Variants in LRRC8E observed in about 807,000 individuals in gnomAD.
LRRC8E encodes the protein leucine rich repeat containing 8 VRAC subunit E.
A neutral mutation model predicts 6.1 loss-of-function variants in LRRC8E; 6 were observed. The ratio of observed to expected loss-of-function variants is 0.98; its 90% CI spans 0.54 to 1.93. The LOEUF (loss-of-function observed/expected upper bound fraction) is 1.93. LRRC8E is among the 30% of genes most tolerant of loss of function. The pLI is 0.01. For missense variants in LRRC8E, 1,028 were observed against 1,031.4 expected (o/e 1.00, Z 0.04); for synonymous variants, 485 against 472.8 (o/e 1.03, Z -0.33).
At position 7,898,991 on chromosome 19, in the gene LRRC8E, T is replaced by C; in HGVS notation, c.469T>C (p.Phe157Leu). The C allele has an allele frequency of 6.2e-7, 1 of 1,614,048 alleles. No homozygotes were observed. The highest frequency in any genetic ancestry group is 8.5e-7 in the Non-Finnish European group (1 of 1,180,026). Reference sequence around the variant, plus strand: ...CTTCATCTCCATCCTGGGCAAGTGTTTCGACTCTCCATGGACCACCAGGGC... The same window carrying C: ...CTTCATCTCCATCCTGGGCAAGTGTCTCGACTCTCCATGGACCACCAGGGC... The part of the protein sequence containing the change: ...EHFISILGKC[F>L]DSPWTTRALS... Residue 157 changes from phenylalanine to leucine, a missense_variant, in exon 3 of 3, where the codon TTC becomes CTC. By Grantham distance (22) the Phe-to-Leu change is conservative. Transcript: ENST00000306708.
chr19:7,899,578 C>A lies in LRRC8E; in HGVS notation c.1056C>A (p.Gly352=). The A allele has an allele frequency of 6.2e-7, 1 of 1,613,864 alleles. No homozygotes were observed. The change falls in exon 3 of 3, where the codon GGC becomes GGA. Residue 352 remains glycine (G), a synonymous_variant. Transcript: ENST00000306708. ...TCCGTTCCGTGCGGGAGGAGACTGG[C>A]ATGGGGGACATTCCTGACGTCAAGA... is the stretch of plus-strand genomic sequence containing the variant. The part of the protein sequence containing the change: ...YSFRSVREET[G]MGDIPDVKND...
Position 7,895,941 on chromosome 19 carries a change from CT to C in LRRC8E, c.138+207del, listed in dbSNP as rs796566513. ...CCCACATTGCTATGCCATTCCATATCTTTTTTTCTTTTTTGAGACGGAGTCT... is the reference window on the plus strand; with the variant it reads ...CCCACATTGCTATGCCATTCCATATCTTTTTTCTTTTTTGAGACGGAGTCT... On this transcript the variant is annotated intron_variant, in intron 2 of 2. Coordinates refer to ENST00000306708, the MANE Select transcript of LRRC8E (RefSeq NM_025061.6). The surrounding 1 kb of genome is among the most constrained non-coding windows in gnomAD (Gnocchi z 4.7). Among the ~76,000 whole-genome samples the C allele has an allele frequency of 3.7e-4, 57 of 152,214 alleles. No homozygotes were observed. Among genetic ancestry groups the C allele is most frequent in the African/African-American group, 1.3e-3 (56 of 41,566 alleles).
Position 7,895,896 on chromosome 19 carries a change from T to C in LRRC8E, c.138+155T>C, listed in dbSNP as rs1349456759. The stretch of plus-strand genomic sequence containing the variant: ...AGACCCCTTATCTTCCTTACCTCCA[T>C]AGCCAGGAGCACCGGAGTCCCCACA... On this transcript the variant is annotated intron_variant, in intron 2 of 2. Coordinates refer to ENST00000306708, the MANE Select transcript of LRRC8E (RefSeq NM_025061.6). This position sits in a 1 kb window ranked among gnomAD's most constrained non-coding sequence, Gnocchi z 4.7. 1.3e-5 allele frequency among the ~76,000 whole-genome samples: 2 copies of C among 152,166 alleles called. No homozygotes were observed. The highest frequency in any genetic ancestry group is 4.8e-5 in the African/African-American group (2 of 41,448).
intron 2 of LRRC8E, among the ~76,000 whole-genome samples, chr19:7,897,182 T>C (rs1219810383): frequency 6.6e-6 from 1 of 151,590 alleles, no homozygotes; most frequent in African/African-American, 2.4e-5. Context: ...CTTTTTCTTT[T>C]TTTTTTAGAC....
chr19:7,898,435 C>T lies in LRRC8E; in HGVS notation c.139-226C>T, dbSNP rs539243272. ...AGTACAATGGCGCGATCTCGGCTCA[C>T]TGCAACCTCCATCTTCCGGGTTCAA... is the stretch of plus-strand genomic sequence containing the variant. On this transcript the variant is annotated intron_variant, in intron 2 of 2. Transcript: ENST00000306708. Among the ~76,000 whole-genome samples the T allele has an allele frequency of 1.1e-3, 162 of 152,232 alleles. 5 individuals carry two copies. The South Asian group carries it at 0.033, about 31-fold the overall frequency.
At position 7,899,146 on chromosome 19, in the gene LRRC8E, G is replaced by A. The variant is rs369723392; in HGVS notation, c.624G>A (p.Ala208=). The A allele has an allele frequency of 1.6e-5, 26 of 1,613,732 alleles. No individual in the cohort carries two copies. Among genetic ancestry groups the A allele is most frequent in the Non-Finnish European group, 1.7e-5 (20 of 1,179,752 alleles). ...AGGGTGAGAAGGAGAAAGTGCTGGC[G>A]GAACCGGAGAAGGTGGTGACCGAGC... is the stretch of plus-strand genomic sequence containing the variant. The part of the protein sequence containing the change: ...AGEGEKEKVL[A]EPEKVVTEPP... The change falls in exon 3 of 3, where the codon GCG becomes GCA. Residue 208 remains alanine (A), a synonymous_variant. Coordinates refer to ENST00000306708, the MANE Select transcript of LRRC8E (RefSeq NM_025061.6).
At chr19:7,898,311 T>A (rs1755461079) in intron 2 of LRRC8E, among the ~76,000 whole-genome samples, 1 of 151,594 alleles carries the variant, frequency 6.6e-6, no homozygotes, top group African/African-American at 2.4e-5. Flanking sequence ...GCGGGGGGTC[T>A]CCCACCTTCA....
chr19:7,895,343 A>G lies in LRRC8E; in HGVS notation c.-5-256A>G, dbSNP rs1371635214. 2 of 472,904 alleles carry G rather than the reference A, an allele frequency of 4.2e-6. No individual in the cohort carries two copies. The highest frequency in any genetic ancestry group is 7.8e-6 in the Non-Finnish European group (2 of 255,966). 29.3% of individuals were successfully genotyped at this position (472,904 alleles called of 1,614,324 possible). A position where few individuals can be genotyped will look rare whatever the true frequency, so the allele number is the denominator to read the frequency against. ...TATCCCTCATGTGCTCTTCGAGGTC[A>G]GACAAGTCAGATCAGGTGCAGGGGT... On this transcript the variant is annotated intron_variant, in intron 1 of 2. Coordinates refer to ENST00000306708, the MANE Select transcript of LRRC8E (RefSeq NM_025061.6). The surrounding 1 kb of genome is among the most constrained non-coding windows in gnomAD (Gnocchi z 4.7).
At chr19:7,896,244 CTTTTTTTTTCT>C (rs1201216695) in intron 2 of LRRC8E, among the ~76,000 whole-genome samples, 26 of 145,288 alleles carry the variant, frequency 1.8e-4, no homozygotes, top group African/African-American at 6.6e-4. Flanking sequence ...CTGACCCTTT[CTTTTTTTTTCT>C]TTTTTTTTTT....
chr19:7,896,499 G>C (rs910385936), intron 2 of LRRC8E, among the ~76,000 whole-genome samples: 4 of 151,632 alleles, frequency 2.6e-5, no homozygotes, highest in Non-Finnish European at 5.9e-5. Context: ...GCTTGAACCT[G>C]GGAGGTGGAG....
In LRRC8E at chr19:7,900,215, C is replaced by T; in HGVS notation, c.1693C>T (p.Leu565=). 6.2e-7 allele frequency: 1 copy of T among 1,613,182 alleles called. No homozygotes were observed. The highest frequency in any genetic ancestry group is 1.1e-5 in the South Asian group (1 of 91,072). ...TGCTGGCCACCTGCAGAGGCTCAGC[C>T]TGCACAACGATGGGGCCCGTCTGGT... The part of the protein sequence containing the change: ...DVAGHLQRLS[L]HNDGARLVAL... Residue 565 remains leucine (L), a synonymous_variant, in exon 3 of 3, where the codon CTG becomes TTG. Coordinates refer to ENST00000306708, the MANE Select transcript of LRRC8E (RefSeq NM_025061.6). The surrounding 1 kb of genome is among the most constrained non-coding windows in gnomAD (Gnocchi z 5.0).
rs755988248 is a variant in LRRC8E, at chr19:7,899,398, G to C, written c.876G>C (p.Glu292Asp). ...TGGCCTGTAGGGTGGAGACGTCAGAGGTCACGGGCTACGCCAGCTTCTGCT... is the reference window on the plus strand; with the variant it reads ...TGGCCTGTAGGGTGGAGACGTCAGACGTCACGGGCTACGCCAGCTTCTGCT... ...FLVACRVETS[E>D]VTGYASFCCN... Residue 292 changes from glutamate (E) to aspartate (D), a missense_variant, in exon 3 of 3, where the codon GAG becomes GAC. Coordinates refer to ENST00000306708, the MANE Select transcript of LRRC8E (RefSeq NM_025061.6). 1 of 1,614,206 alleles carries C rather than the reference G, an allele frequency of 6.2e-7. No homozygotes were observed. The highest frequency in any genetic ancestry group is 2.2e-5 in the East Asian group (1 of 44,886).
intron 1 of LRRC8E, among the ~76,000 whole-genome samples, chr19:7,894,185 C>G (rs1255153881): frequency 2.0e-5 from 3 of 152,118 alleles, no homozygotes; most frequent in South Asian, 2.1e-4. Context: ...AGATGCCCTC[C>G]TTCTTGGCCC....
chr19:7,899,509 C>T lies in LRRC8E; in HGVS notation c.987C>T (p.Tyr329=). The change falls in exon 3 of 3, where the codon TAC becomes TAT. Residue 329 remains tyrosine (Y), a synonymous_variant. Transcript: ENST00000306708. ...GCATCTACGGACTTACCTGCATCTA[C>T]ACGCTCTACTGGCTCTTCCACCGGC... The part of the protein sequence containing the change: ...FVCIYGLTCI[Y]TLYWLFHRPL... The T allele has an allele frequency of 6.2e-7, 1 of 1,614,116 alleles. No homozygotes were observed.
rs904963366 is a variant in LRRC8E at position 7,901,916 on chromosome 19, G to T, written c.*1003G>T. The stretch of plus-strand genomic sequence containing the variant: ...CTTCCTAAGGTGGGTGGACTGCAGG[G>T]TTAGGACACCTGCTATAGAGGTGAC... On this transcript the variant is annotated 3_prime_UTR_variant, in exon 3 of 3. Transcript: ENST00000306708. The T allele has an allele frequency of 6.6e-6, 1 of 152,152 alleles. No homozygotes were observed. Among genetic ancestry groups the T allele is most frequent in the African/African-American group, 2.4e-5 (1 of 41,426 alleles). 9.4% of individuals were successfully genotyped at this position (152,152 alleles called of 1,614,324 possible).
rs746015307 is a variant in LRRC8E at position 7,900,266 on chromosome 19, GC to G, written c.1745del (p.Ala582GlyfsTer153). The G allele has an allele frequency of 6.2e-7, 1 of 1,613,422 alleles. No homozygotes were observed. Among genetic ancestry groups the G allele is most frequent in the Admixed American group, 1.7e-5 (1 of 60,030 alleles). On this transcript the variant is annotated frameshift_variant, in exon 3 of 3. Coordinates refer to ENST00000306708, the MANE Select transcript of LRRC8E (RefSeq NM_025061.6). LOFTEE classifies it low-confidence loss of function (END_TRUNC). The surrounding 1 kb of genome is among the most constrained non-coding windows in gnomAD (Gnocchi z 5.0). ...TGCCCTGAACAGCCTCAAGAAGCTGGCGGCATTGCGGGAGCTGGAGCTGGTG... is the reference window on the plus strand; with the variant it reads ...TGCCCTGAACAGCCTCAAGAAGCTGGGGCATTGCGGGAGCTGGAGCTGGTG... ...LVALNSLKKL[A>X]ALRELELVAC... is the part of the protein sequence containing the mutation.
In LRRC8E at chr19:7,899,119, G is replaced by A. The variant is rs773103676; in HGVS notation, c.597G>A (p.Gly199=). The A allele has an allele frequency of 4.3e-6, 7 of 1,613,260 alleles. No individual in the cohort carries two copies. Among genetic ancestry groups the A allele is most frequent in the Admixed American group, 3.3e-5 (2 of 59,994 alleles). The stretch of plus-strand genomic sequence containing the variant: ...CAGGGACCGGGCCGGGGAAGGCAGG[G>A]GAGGGTGAGAAGGAGAAAGTGCTGG... The part of the protein sequence containing the change: ...AMAGTGPGKA[G]EGEKEKVLAE... The change falls in exon 3 of 3, where the codon GGG becomes GGA. Residue 199 remains glycine, a synonymous_variant. Coordinates refer to ENST00000306708, the MANE Select transcript of LRRC8E (RefSeq NM_025061.6).
Position 7,899,511 on chromosome 19 carries a change from C to T in LRRC8E, c.989C>T (p.Thr330Met), listed in dbSNP as rs202026915. The change falls in exon 3 of 3, where the codon ACG becomes ATG. Residue 330 changes from threonine (T) to methionine (M), a missense_variant. Thr to Met is a moderately conservative substitution (Grantham distance 81). Transcript: ENST00000306708. Reference sequence around the variant, plus strand: ...ATCTACGGACTTACCTGCATCTACACGCTCTACTGGCTCTTCCACCGGCCC... The same window carrying T: ...ATCTACGGACTTACCTGCATCTACATGCTCTACTGGCTCTTCCACCGGCCC... ...VCIYGLTCIY[T>M]LYWLFHRPLK... The T allele has an allele frequency of 9.1e-5, 147 of 1,614,100 alleles. No individual in the cohort carries two copies. The Admixed American group carries it at 1.2e-3, about 14-fold the overall frequency.
rs371255714 is a variant in LRRC8E at position 7,898,770 on chromosome 19, C to T, written c.248C>T (p.Ala83Val). 1 of 1,614,004 alleles carries T rather than the reference C, an allele frequency of 6.2e-7. No homozygotes were observed. The highest frequency in any genetic ancestry group is 8.5e-7 in the Non-Finnish European group (1 of 1,180,032). The change falls in exon 3 of 3, where the codon GCC (alanine) becomes GTC (valine). Residue 83 changes from alanine (A) to valine (V), a missense_variant. Transcript: ENST00000306708. ...CGGGGGATCCCTGAGCAGATTGGGGCCCTGCAGGAGGTTAAAGGCCTTAAG... is the reference window on the plus strand; with the variant it reads ...CGGGGGATCCCTGAGCAGATTGGGGTCCTGCAGGAGGTTAAAGGCCTTAAG... The part of the protein sequence containing the change: ...LPRGIPEQIG[A>V]LQEVKGLKNN...
Sources: allele counts gnomAD v4.1 joint callset (sites outside exome capture counted in the v4.1 genomes callset), GRCh38; gene constraint gnomAD v4.1.1; non-coding constraint Gnocchi (gnomAD v3.1); transcripts MANE v1.5; gene names NCBI Gene and HGNC (gene_info 2026-07-23, HGNC 2026-07-21).